Variants in BTBD16 observed in about 807,000 individuals in gnomAD.
BTBD16 encodes the protein BTB domain containing 16, also known as BTB/POZ domain-containing protein 16.
A neutral mutation model predicts 67.4 loss-of-function variants in BTBD16; 66 were observed. That is an observed-to-expected ratio of 0.98 (90% CI 0.80 to 1.20). The LOEUF is 1.20. BTBD16 is among the 50% of genes most tolerant of loss of function. BTBD16 has a pLI of 0.00. For missense variants in BTBD16, 634 were observed against 616.0 expected (o/e 1.03, Z -0.31); for synonymous variants, 242 against 236.4 (o/e 1.02, Z -0.22).
At chr10:122,311,079 C>T (rs917987790) in intron 10 of BTBD16, among the ~76,000 whole-genome samples, 1 of 152,204 alleles carries the variant, frequency 6.6e-6, no homozygotes, top group East Asian at 1.9e-4. Context: ...TAAAGACATA[C>T]GTCCAAGCCA....
intron 10 of BTBD16, among the ~76,000 whole-genome samples, chr10:122,316,237 A>G (rs768676010): frequency 7.9e-5 from 12 of 152,196 alleles, no homozygotes; most frequent in Non-Finnish European, 1.3e-4. Context: ...ATTGCATTCC[A>G]GCCTGGGTGA....
At chr10:122,324,991 T>C (rs775918038) in intron 10 of BTBD16, among the ~76,000 whole-genome samples, 1 of 152,184 alleles carries the variant, frequency 6.6e-6, no homozygotes, top group Admixed American at 6.5e-5. Flanking sequence ...GTCAGGACCA[T>C]CTTGACAGAC....
At chr10:122,318,120 C>T (rs1050486136) in intron 10 of BTBD16, among the ~76,000 whole-genome samples, 1 of 152,104 alleles carries the variant, frequency 6.6e-6, no homozygotes, top group Admixed American at 6.6e-5. Flanking sequence ...TCAGTCCTGT[C>T]TTTTCAGCTC....
At chr10:122,283,616 G>A (rs768931975) in intron 3 of BTBD16, among the ~76,000 whole-genome samples, 5 of 152,106 alleles carry the variant, frequency 3.3e-5, no homozygotes, top group Non-Finnish European at 7.4e-5. Flanking sequence ...ATATCTCCTC[G>A]GTAAGGCCTA....
intron 1 of BTBD16, among the ~76,000 whole-genome samples, chr10:122,274,501 C>T (rs769657661): frequency 2.7e-5 from 4 of 149,944 alleles, no homozygotes; most frequent in Admixed American, 6.8e-5. Flanking sequence ...TTAACCTCCC[C>T]GCAACCCCAT....
rs934085881 is a variant in BTBD16 at position 122,332,720 on chromosome 10, A to G, written c.1164+207A>G. The G allele has an allele frequency of 3.9e-6, 3 of 778,624 alleles. No homozygotes were observed. In the African/African-American group the frequency reaches 5.7e-5, roughly 15 times the overall value. 48.2% of individuals were successfully genotyped at this position (778,624 alleles called of 1,614,324 possible). Reference sequence around the variant, plus strand: ...AGGGGCCTGGGGCGGGCCATTTAATAATTTCCCCACTAAGAGGACCAGCAG... The same window carrying G: ...AGGGGCCTGGGGCGGGCCATTTAATGATTTCCCCACTAAGAGGACCAGCAG... On this transcript the variant is annotated intron_variant, in intron 13 of 15. Transcript: ENST00000260723.
At chr10:122,313,041 T>A (rs1489094763) in intron 10 of BTBD16, among the ~76,000 whole-genome samples, 1 of 150,792 alleles carries the variant, frequency 6.6e-6, no homozygotes, top group African/African-American at 2.4e-5. Flanking sequence ...CACGCCTGGC[T>A]AATTTTTTGT....
chr10:122,297,256 T>G (rs1317878566), intron 7 of BTBD16, among the ~76,000 whole-genome samples: 1 of 152,198 alleles, frequency 6.6e-6, no homozygotes, highest in East Asian at 1.9e-4. Flanking sequence ...CGGTATGTGT[T>G]CAATGAATAG....
intron 8 of BTBD16, among the ~76,000 whole-genome samples, chr10:122,298,388 G>A (rs2096387535): frequency 6.6e-6 from 1 of 152,136 alleles, no homozygotes; most frequent in Non-Finnish European, 1.5e-5. Flanking sequence ...TCGCCCCACT[G>A]GTAATTCCAA....
intron 7 of BTBD16, among the ~76,000 whole-genome samples, chr10:122,296,917 G>A (rs1176676809): frequency 6.6e-6 from 1 of 152,192 alleles, no homozygotes; most frequent in African/African-American, 2.4e-5. Context: ...TCAAAGTGTG[G>A]CACCTGCTCC....
intron 2 of BTBD16, among the ~76,000 whole-genome samples, chr10:122,275,978 G>C (rs925852424): frequency 2.0e-5 from 3 of 152,168 alleles, no homozygotes; most frequent in African/African-American, 4.8e-5. Context: ...ACTGATGAAG[G>C]AATAAGCAAA....
intron 3 of BTBD16, 78 bp downstream of exon 3, chr10:122,277,017 C>CT: frequency 1.3e-6 from 2 of 1,516,440 alleles, no homozygotes; most frequent in South Asian, 2.5e-5. Flanking sequence ...CCGGGCCACT[C>CT]TGATTGGCTG....
rs547668341 is a variant in BTBD16 at position 122,299,008 on chromosome 10, A to T, written c.665A>T (p.Lys222Met). ...ACTGGCTTTTTTTTGTCTTAGTACA[A>T]GGAAGAGCAGCTCACCACCGGCTGC... Reference protein sequence around the residue: ...KKFYEAGCKYKEEQLTTGCEK... With the variant: ...KKFYEAGCKYMEEQLTTGCEK... Residue 222 changes from lysine (K) to methionine (M), a missense_variant, in exon 9 of 16, where the codon AAG becomes ATG. Coordinates refer to ENST00000260723, the MANE Select transcript of BTBD16 (RefSeq NM_144587.5). The T allele has an allele frequency of 5.0e-6, 8 of 1,613,758 alleles. No homozygotes were observed. Among genetic ancestry groups the T allele is most frequent in the Admixed American group, 1.7e-5 (1 of 60,000 alleles).
chr10:122,303,769 TA>T, intron 9 of BTBD16: 3 of 392,452 alleles, frequency 7.6e-6, no homozygotes, highest in Non-Finnish European at 1.0e-5. Flanking sequence ...GTACAGCCCA[TA>T]GAGGGAGGTT....
Position 122,288,154 on chromosome 10 carries a change from A to G in BTBD16, c.386-1755A>G, listed in dbSNP as rs552734151. On this transcript the variant is annotated intron_variant, in intron 5 of 15. Transcript: ENST00000260723. ...AAAATGCTGGGAAAGCATGACAAAT[A>G]TTGTGACACATTGTAATATTAACTG... Among the ~76,000 whole-genome samples the G allele has an allele frequency of 9.2e-5, 14 of 152,296 alleles. No individual in the cohort carries two copies. In the South Asian group the frequency reaches 2.7e-3, roughly 29 times the overall value.
At chr10:122,297,876 G>T (rs1404679195) in intron 8 of BTBD16, 39 bp downstream of exon 8, 1 of 1,599,746 alleles carries the variant, frequency 6.3e-7, no homozygotes, top group East Asian at 2.2e-5. Context: ...CCCCTTGGGG[G>T]GGCCTTCAGG....
intron 10 of BTBD16, among the ~76,000 whole-genome samples, chr10:122,322,737 G>A (rs1479743880): frequency 2.0e-5 from 3 of 152,154 alleles, no homozygotes; most frequent in East Asian, 3.9e-4. Flanking sequence ...GAGCTCAGGG[G>A]TTTGGTGTAT....
Position 122,329,520 on chromosome 10 carries a change from C to T in BTBD16, c.952C>T (p.Arg318Trp), listed in dbSNP as rs753410399. ...TTGCTTTCTGGACCGGGACATAGGA[C>T]GGAGCTTGAGGCCGCTCTTCCTCTG... is the stretch of plus-strand genomic sequence containing the variant. Reference protein sequence around the residue: ...NCCFLDRDIGRSLRPLFLCLR... With the variant: ...NCCFLDRDIGWSLRPLFLCLR... Residue 318 changes from arginine to tryptophan, a missense_variant, in exon 11 of 16, where the codon CGG becomes TGG. Physicochemically the swap from Arg to Trp is moderately radical, Grantham distance 101. Transcript: ENST00000260723. 16 of 1,613,822 alleles carry T rather than the reference C, an allele frequency of 9.9e-6. No homozygotes were observed. The highest frequency in any genetic ancestry group is 4.4e-5 in the South Asian group (4 of 91,068).
intron 5 of BTBD16, among the ~76,000 whole-genome samples, chr10:122,286,748 C>A (rs1387401722): frequency 6.6e-6 from 1 of 152,142 alleles, no homozygotes; most frequent in Non-Finnish European, 1.5e-5. Flanking sequence ...TTCCTCTTCT[C>A]TTCTCGTCTC....
Sources: allele counts gnomAD v4.1 joint callset (sites outside exome capture counted in the v4.1 genomes callset), GRCh38; gene constraint gnomAD v4.1.1; transcripts MANE v1.5; gene names NCBI Gene and HGNC (gene_info 2026-07-23, HGNC 2026-07-21).